The following MACROD2 variants were observed in gnomAD, a reference collection of about 807,000 sequenced individuals.
MACROD2 encodes the protein ADP-ribose glycohydrolase MACROD2.
A neutral mutation model predicts 70.4 loss-of-function variants in MACROD2; 36 were observed. That is an observed-to-expected ratio of 0.51 (90% CI 0.39 to 0.68). MACROD2 has a LOEUF of 0.68. Ranked by LOEUF, MACROD2 falls within the 30% of genes least tolerant of loss-of-function variation. The pLI, the probability that MACROD2 is intolerant of heterozygous loss-of-function variation, is 0.00. For synonymous variants in MACROD2, 172 were observed against 178.8 expected, an observed-to-expected ratio of 0.96 and a Z score of 0.30; for missense variants, 496 against 538.4, an observed-to-expected ratio of 0.92 and a Z score of 0.78.
chr20:15,068,046 A>AT (rs1014925365), intron 5 of MACROD2, among the ~76,000 whole-genome samples: 52 of 152,218 alleles, frequency 3.4e-4, no homozygotes, highest in Admixed American at 3.2e-3. Context: ...TTCCTTAGCA[A>AT]TTTTTTTAAA....
intron 8 of MACROD2, among the ~76,000 whole-genome samples, chr20:15,764,913 G>T (rs753043811): frequency 1.3e-5 from 2 of 152,056 alleles, no homozygotes; most frequent in Admixed American, 1.3e-4. Context: ...TCTGCTCTCT[G>T]CTCACTCTAC....
chr20:14,251,440 G>T (rs2122273110), intron 3 of MACROD2, among the ~76,000 whole-genome samples: 1 of 152,054 alleles, frequency 6.6e-6, no homozygotes, highest in Non-Finnish European at 1.5e-5. Context: ...GTATATCTGA[G>T]TAAGATTTAA....
At chr20:14,248,660 A>C (rs1159224826) in intron 3 of MACROD2, among the ~76,000 whole-genome samples, 1 of 151,942 alleles carries the variant, frequency 6.6e-6, no homozygotes, top group Non-Finnish European at 1.5e-5. Flanking sequence ...CATATAAAGC[A>C]TAAATAGATT....
chr20:15,338,569 G>A (rs2078074320), intron 6 of MACROD2, among the ~76,000 whole-genome samples: 1 of 151,808 alleles, frequency 6.6e-6, no homozygotes, highest in South Asian at 2.1e-4. Context: ...GGGCCTTAAT[G>A]TGTGGCAGGA....
At chr20:15,894,940 C>A (rs2064947421) in intron 10 of MACROD2, among the ~76,000 whole-genome samples, 1 of 152,182 alleles carries the variant, frequency 6.6e-6, no homozygotes, top group African/African-American at 2.4e-5. Context: ...ATTTTCTAGA[C>A]CATCTCTTAA....
chr20:15,146,084 T>A (rs1450254367), intron 5 of MACROD2, among the ~76,000 whole-genome samples: 1 of 152,184 alleles, frequency 6.6e-6, no homozygotes, highest in Non-Finnish European at 1.5e-5. Context: ...GAGCTTTCAA[T>A]CTCATACAGC....
chr20:15,771,596 T>G (rs2147018711), intron 8 of MACROD2, among the ~76,000 whole-genome samples: 1 of 152,098 alleles, frequency 6.6e-6, no homozygotes, highest in Admixed American at 6.5e-5. Context: ...TGTATACATA[T>G]GGAAAATTAC....
chr20:15,795,194 C>T (rs541199246), intron 8 of MACROD2, among the ~76,000 whole-genome samples: 9 of 152,102 alleles, frequency 5.9e-5, no homozygotes, highest in South Asian at 4.2e-4. Context: ...ATTGTTGTGA[C>T]GAGTTATAAG....
At chr20:15,978,517 G>T (rs1456986238) in intron 13 of MACROD2, among the ~76,000 whole-genome samples, 2 of 151,856 alleles carry the variant, frequency 1.3e-5, no homozygotes, top group African/African-American at 4.8e-5. Flanking sequence ...GTAAGTTCAG[G>T]GCTGCCTCCG....
chr20:15,438,398 C>A (rs2046454732), intron 7 of MACROD2, among the ~76,000 whole-genome samples: 1 of 151,932 alleles, frequency 6.6e-6, no homozygotes, highest in Non-Finnish European at 1.5e-5. Flanking sequence ...TGGTATCTCA[C>A]CGTGGTTTTG....
chr20:15,269,235 C>T (rs1258598269), intron 6 of MACROD2, among the ~76,000 whole-genome samples: 1 of 152,246 alleles, frequency 6.6e-6, no homozygotes, highest in Non-Finnish European at 1.5e-5. Context: ...GACCCTTCCT[C>T]ATGCAGATGA....
intron 8 of MACROD2, among the ~76,000 whole-genome samples, chr20:15,860,766 C>A (rs903036394): frequency 3.3e-5 from 5 of 152,232 alleles, no homozygotes; most frequent in African/African-American, 1.2e-4. Context: ...ACCTCCCCAC[C>A]CTCCCCAGAA....
At chr20:14,257,543 C>T (rs79629650) in intron 3 of MACROD2, among the ~76,000 whole-genome samples, 3 of 151,910 alleles carry the variant, frequency 2.0e-5, no homozygotes, top group Non-Finnish European at 4.4e-5. Context: ...TAGATGAAAT[C>T]TTTTAAACAT....
intron 5 of MACROD2, among the ~76,000 whole-genome samples, chr20:15,173,700 C>G (rs181995520): frequency 3.9e-5 from 6 of 152,164 alleles, no homozygotes; most frequent in Admixed American, 2.0e-4. Flanking sequence ...GGTATAAATA[C>G]AGTCATTTCA....
chr20:15,220,801 T>G (rs777913082), intron 5 of MACROD2, among the ~76,000 whole-genome samples: 1 of 152,150 alleles, frequency 6.6e-6, no homozygotes, highest in Non-Finnish European at 1.5e-5. Context: ...ATGGGGAAAG[T>G]CCTGTAGTCA....
At chr20:15,000,531 G>T (rs1458818460) in intron 5 of MACROD2, among the ~76,000 whole-genome samples, 1 of 139,868 alleles carries the variant, frequency 7.1e-6, no homozygotes, top group East Asian at 2.1e-4. Context: ...GCTGAGGCAG[G>T]AGAATGGCGT....
At chr20:15,293,028 A>G (rs1174166528) in intron 6 of MACROD2, among the ~76,000 whole-genome samples, 1 of 152,180 alleles carries the variant, frequency 6.6e-6, no homozygotes, top group Non-Finnish European at 1.5e-5. Context: ...TTAGTGACAG[A>G]GAACTCACTG....
chr20:15,965,218 A>G (rs910442993), intron 12 of MACROD2, among the ~76,000 whole-genome samples: 1 of 152,240 alleles, frequency 6.6e-6, no homozygotes, highest in Admixed American at 6.5e-5. Context: ...ATGTAGAAAC[A>G]TATCAGAAGG....
intron 4 of MACROD2, among the ~76,000 whole-genome samples, chr20:14,498,790 G>C (rs920326851): frequency 5.1e-4 from 78 of 152,168 alleles, no homozygotes; most frequent in African/African-American, 1.8e-3. Flanking sequence ...TTTGTCTTAA[G>C]CATTCACAAG....
Sources: gnomAD v4.1 joint callset for allele counts (sites outside exome capture counted in the v4.1 genomes callset) on GRCh38, gnomAD v4.1.1 for gene constraint, MANE v1.5 for transcripts, NCBI Gene and HGNC (gene_info 2026-07-23, HGNC 2026-07-21) for gene names.